The following CYTH1 variants were observed in gnomAD, a reference collection of about 807,000 sequenced individuals.
CYTH1 encodes the protein cytohesin-1.
Under a neutral mutation model 61.8 loss-of-function variants are expected in CYTH1, and 18 were observed. The observed-to-expected ratio is 0.29, with a 90% CI of 0.20 to 0.43. CYTH1 has a LOEUF of 0.43. Ranked by LOEUF, CYTH1 falls within the 20% of genes least tolerant of loss-of-function variation. The probability of loss-of-function intolerance (pLI) is 1.00; values close to 1 mark genes in which losing one functional copy is unlikely to be tolerated. For missense variants in CYTH1, 336 were observed against 510.5 expected, an observed-to-expected ratio of 0.66 and a Z score of 3.29; for synonymous variants, 174 against 184.3, an observed-to-expected ratio of 0.94 and a Z score of 0.45.
At chr17:78,708,324 A>T in intron 2 of CYTH1, 63 bp from the exon 3 acceptor site, 1 of 1,454,246 alleles carries the variant, frequency 6.9e-7, no homozygotes, top group South Asian at 1.2e-5. Context: ...AAAACTTCTA[A>T]AATCTCACAT....
chr17:78,730,345 G>A (rs895615025), intron 1 of CYTH1, among the ~76,000 whole-genome samples: 1 of 116,046 alleles, frequency 8.6e-6, no homozygotes. Flanking sequence ...CTAACACGGT[G>A]AAACCCCATC....
At chr17:78,701,785 C>T (rs767931171) in intron 5 of CYTH1, 34 bp from the exon 6 acceptor site, 2 of 1,602,942 alleles carry the variant, frequency 1.2e-6, no homozygotes, top group Non-Finnish European at 8.5e-7. Flanking sequence ...GGAGAGAAAG[C>T]AGGAGTCAGG....
At chr17:78,736,583 A>G (rs1488980350) in intron 1 of CYTH1, 1 of 222,138 alleles carries the variant, frequency 4.5e-6, no homozygotes, top group East Asian at 1.5e-4. Context: ...AAGGCTCAGT[A>G]AACTATCCTC....
In CYTH1 at chr17:78,782,167, C is replaced by A; in HGVS notation, c.22+35G>T. ...GGGCCCGGAGGGGACTGGGGGACAG[C>A]GAGGGGGAAGCGTCCGCCGCCGGGG... On this transcript the variant is annotated intron_variant, in intron 1 of 13. Coordinates refer to ENST00000446868, the MANE Select transcript of CYTH1 (RefSeq NM_004762.6). 3 of 1,352,542 alleles carry A rather than the reference C, an allele frequency of 2.2e-6. No individual in the cohort carries two copies. The South Asian group carries it at 4.8e-5, about 22-fold the overall frequency. 83.8% of individuals were successfully genotyped at this position (1,352,542 alleles called of 1,614,324 possible).
intron 3 of CYTH1, among the ~76,000 whole-genome samples, chr17:78,704,047 G>A (rs2093040413): frequency 6.6e-6 from 1 of 152,212 alleles, no homozygotes; most frequent in South Asian, 2.1e-4. Context: ...AATGAAAAAT[G>A]CAGATTCACA....
At chr17:78,707,033 T>C (rs2093074341) in intron 3 of CYTH1, among the ~76,000 whole-genome samples, 1 of 152,240 alleles carries the variant, frequency 6.6e-6, no homozygotes, top group Admixed American at 6.5e-5. Flanking sequence ...AAAGCGGAAG[T>C]TTTAAATTTT....
Position 78,750,019 on chromosome 17 carries a change from A to G in CYTH1, c.22+32183T>C, listed in dbSNP as rs570595842. Among the ~76,000 whole-genome samples the G allele has an allele frequency of 1.0e-3, 157 of 152,298 alleles. 1 individual carries two copies. The highest frequency in any genetic ancestry group is 3.6e-3 in the African/African-American group (150 of 41,566). On this transcript the variant is annotated intron_variant, in intron 1 of 13. Coordinates refer to ENST00000446868, the MANE Select transcript of CYTH1 (RefSeq NM_004762.6). ...TGGGTCTGAAAAGGATAGCAAATCA[A>G]TGGCCAGGGGGTGAGAATATGCTTC...
intron 1 of CYTH1, among the ~76,000 whole-genome samples, chr17:78,761,595 G>A (rs575489450): frequency 7.9e-5 from 12 of 152,160 alleles, no homozygotes; most frequent in South Asian, 2.1e-4. Context: ...AAAATCAGCC[G>A]GGCGTGGTGG....
intron 11 of CYTH1, among the ~76,000 whole-genome samples, chr17:78,688,794 G>A (rs1242892328): frequency 6.6e-6 from 1 of 152,210 alleles, no homozygotes; most frequent in Non-Finnish European, 1.5e-5. Flanking sequence ...TCATGGCTTT[G>A]TTGGGTAGTT....
intron 1 of CYTH1, among the ~76,000 whole-genome samples, chr17:78,729,135 G>T (rs181661420): frequency 4.0e-4 from 61 of 152,102 alleles, no homozygotes; most frequent in African/African-American, 1.4e-3. Flanking sequence ...TAGAGAGAGG[G>T]TCTCACTCTG....
rs541881403 is a variant in CYTH1 at position 78,714,016 on chromosome 17, G to A, written c.23-4284C>T. Among the ~76,000 whole-genome samples, 36 of 152,260 alleles carry A rather than the reference G, an allele frequency of 2.4e-4. No homozygotes were observed. In the East Asian group the frequency reaches 5.8e-3, roughly 24 times the overall value. ...TAAATAGTAAAGGAATAGGCCAGGC[G>A]CGGTGGTCCACGCCTGTAATCCTAG... On this transcript the variant is annotated intron_variant, in intron 1 of 13. Coordinates refer to ENST00000446868, the MANE Select transcript of CYTH1 (RefSeq NM_004762.6).
At position 78,723,252 on chromosome 17, in the gene CYTH1, C is replaced by T. The variant is rs114809688; in HGVS notation, c.23-13520G>A. 275 of 153,404 alleles carry T rather than the reference C, an allele frequency of 1.8e-3. 1 individual carries two copies. Among genetic ancestry groups the T allele is most frequent in the African/African-American group, 5.9e-3 (247 of 41,606 alleles). 9.5% of individuals were successfully genotyped at this position (153,404 alleles called of 1,614,324 possible). A position where few individuals can be genotyped will look rare whatever the true frequency, so the allele number is the denominator to read the frequency against. ...CTCTCCTGCGGCCCCAGTGTCCTGG[C>T]CAGCCCTGGGCAGCAACATCAAAGC... On this transcript the variant is annotated intron_variant, in intron 1 of 13. Transcript: ENST00000446868.
At position 78,771,079 on chromosome 17, in the gene CYTH1, A is replaced by G. The variant is rs1598927370; in HGVS notation, c.22+11123T>C. On this transcript the variant is annotated intron_variant, in intron 1 of 13. Transcript: ENST00000446868. ...GGAGTTTGGGACCAGCCTGCCCAAC[A>G]TGGCAAAATCCCATCTCTACTAAAA... 2.6e-5 allele frequency among the ~76,000 whole-genome samples: 4 copies of G among 151,904 alleles called. No homozygotes were observed. In the East Asian group the frequency reaches 7.8e-4, roughly 30 times the overall value.
chr17:78,690,267 G>A (rs963884451), intron 11 of CYTH1, among the ~76,000 whole-genome samples: 4 of 151,412 alleles, frequency 2.6e-5, no homozygotes, highest in African/African-American at 7.3e-5. Context: ...TGGCAGCAGC[G>A]CCTGTAGTCC....
At chr17:78,765,388 C>A (rs1187022371) in intron 1 of CYTH1, among the ~76,000 whole-genome samples, 1 of 152,136 alleles carries the variant, frequency 6.6e-6, no homozygotes, top group African/African-American at 2.4e-5. Flanking sequence ...TTCTAAAAAT[C>A]TTTTTAGAAT....
chr17:78,759,592 T>C (rs1361190427), intron 1 of CYTH1, among the ~76,000 whole-genome samples: 3 of 152,152 alleles, frequency 2.0e-5, no homozygotes, highest in East Asian at 3.8e-4. Context: ...AAATCCAAGG[T>C]TGGTTATTCT....
chr17:78,737,237 C>T (rs1489326123), intron 1 of CYTH1, among the ~76,000 whole-genome samples: 1 of 152,190 alleles, frequency 6.6e-6, no homozygotes, highest in South Asian at 2.1e-4. Context: ...ATAAGCTACA[C>T]AAATCCACTC....
intron 1 of CYTH1, among the ~76,000 whole-genome samples, chr17:78,747,179 T>G (rs558357238): frequency 0.011 from 1,224 of 108,140 alleles, 9 homozygotes; most frequent in Non-Finnish European, 0.016. Flanking sequence ...AAGAAAAAAC[T>G]ACATGGCATG....
intron 1 of CYTH1, among the ~76,000 whole-genome samples, chr17:78,718,220 C>T (rs6501240): frequency 0.17 from 3,751 of 22,288 alleles, 151 homozygotes; most frequent in African/African-American, 0.22. Flanking sequence ...ACACTGAATA[C>T]ACACACACAC....
Sources: allele counts gnomAD v4.1 joint callset (sites outside exome capture counted in the v4.1 genomes callset), GRCh38; gene constraint gnomAD v4.1.1; transcripts MANE v1.5; gene names NCBI Gene and HGNC (gene_info 2026-07-23, HGNC 2026-07-21).